KHDRBS2: variants seen among roughly 807,000 people sequenced by gnomAD.
KHDRBS2 encodes KH RNA binding domain containing, signal transduction associated 2.
KHDRBS2 carries 26 observed loss-of-function variants against 44.3 expected under a neutral mutation model. That is an observed-to-expected ratio of 0.59 (90% confidence interval 0.43 to 0.81). The LOEUF (loss-of-function observed/expected upper bound fraction) is 0.81, where lower values mean the gene tolerates loss of function less well. Ranked by LOEUF, KHDRBS2 falls within the 40% of genes least tolerant of loss-of-function variation. The pLI, the probability that KHDRBS2 is intolerant of heterozygous loss-of-function variation, is 0.00. For synonymous variants in KHDRBS2, 194 were observed against 151.1 expected (o/e 1.28, Z -2.08); for missense variants, 476 against 433.1 (o/e 1.10, Z -0.88).
At chr6:62,143,479 T>C (rs2150099999) in intron 2 of KHDRBS2, among the ~76,000 whole-genome samples, 1 of 152,092 alleles carries the variant, frequency 6.6e-6, no homozygotes, top group South Asian at 2.1e-4. Flanking sequence ...TCTCTGTTAT[T>C]TACCACCCAT....
chr6:61,945,237 C>T (rs369144910), intron 4 of KHDRBS2, among the ~76,000 whole-genome samples: 3 of 145,008 alleles, frequency 2.1e-5, no homozygotes, highest in East Asian at 2.0e-4. Flanking sequence ...TTTAACATCT[C>T]AATAATTTAA....
At chr6:62,092,837 C>G (rs906269584) in intron 2 of KHDRBS2, among the ~76,000 whole-genome samples, 4 of 151,988 alleles carry the variant, frequency 2.6e-5, no homozygotes, top group Non-Finnish European at 5.9e-5. Context: ...CCATATGAAT[C>G]CTGGATAAGG....
intron 8 of KHDRBS2, among the ~76,000 whole-genome samples, chr6:61,682,486 T>C (rs2127538335): frequency 6.6e-6 from 1 of 152,056 alleles, no homozygotes; most frequent in Admixed American, 6.6e-5. Flanking sequence ...TGGCATACTC[T>C]GGCCTGTGAA....
intron 4 of KHDRBS2, among the ~76,000 whole-genome samples, chr6:61,961,788 A>T (rs1367889960): frequency 6.6e-6 from 1 of 152,130 alleles, no homozygotes; most frequent in Non-Finnish European, 1.5e-5. Context: ...GCAAAATCAT[A>T]CAGGGCCTTG....
chr6:61,842,228 T>C (rs1320859813), intron 6 of KHDRBS2, among the ~76,000 whole-genome samples: 2 of 152,158 alleles, frequency 1.3e-5, no homozygotes, highest in African/African-American at 2.4e-5. Flanking sequence ...ATCAGTTTAG[T>C]ATGGGAATCT....
chr6:61,542,990 A>G, the KHDRBS2 span, among the ~76,000 whole-genome samples: 1 of 151,994 alleles, frequency 6.6e-6, no homozygotes, highest in Non-Finnish European at 1.5e-5. Flanking sequence ...TGGTATAAAG[A>G]CCTCAAGGCT....
At chr6:61,765,443 C>T (rs1388759816) in intron 6 of KHDRBS2, among the ~76,000 whole-genome samples, 2 of 151,852 alleles carry the variant, frequency 1.3e-5, no homozygotes, top group African/African-American at 4.8e-5. Flanking sequence ...AAAGCAAGAC[C>T]TGGTAAAAAA....
intron 3 of KHDRBS2, among the ~76,000 whole-genome samples, chr6:62,036,273 C>T (rs1785264365): frequency 6.6e-6 from 1 of 151,892 alleles, no homozygotes; most frequent in African/African-American, 2.4e-5. Context: ...CTAAACCACT[C>T]AACTTTATAG....
chr6:61,947,053 A>G (rs1813523400), intron 4 of KHDRBS2, among the ~76,000 whole-genome samples: 1 of 152,224 alleles, frequency 6.6e-6, no homozygotes. Context: ...AGAATCATAT[A>G]TTCAGCCAAT....
chr6:61,958,173 A>G (rs1321035379), intron 4 of KHDRBS2, among the ~76,000 whole-genome samples: 1 of 152,182 alleles, frequency 6.6e-6, no homozygotes, highest in Non-Finnish European at 1.5e-5. Flanking sequence ...ATCGTTTAAC[A>G]GAAGACACAC....
chr6:62,197,408 C>T (rs1173223043), intron 1 of KHDRBS2, among the ~76,000 whole-genome samples: 1 of 152,090 alleles, frequency 6.6e-6, no homozygotes. Flanking sequence ...GTATTATATA[C>T]AATACATCAC....
At chr6:61,602,458 C>T in the KHDRBS2 span, among the ~76,000 whole-genome samples, 2 of 152,134 alleles carry the variant, frequency 1.3e-5, no homozygotes, top group Admixed American at 6.5e-5. Context: ...GTGCAGGATC[C>T]CACGGAAAAT....
the KHDRBS2 span, among the ~76,000 whole-genome samples, chr6:61,579,366 G>A: frequency 2.0e-5 from 3 of 152,174 alleles, no homozygotes; most frequent in African/African-American, 7.2e-5. Context: ...TTGAAATAGA[G>A]ATACTGGGGA....
intron 4 of KHDRBS2, among the ~76,000 whole-genome samples, chr6:61,929,091 C>A (rs1267030241): frequency 3.3e-5 from 5 of 151,944 alleles, no homozygotes; most frequent in Admixed American, 6.6e-5. Context: ...TCAAATTGGG[C>A]AAGGAAGTAC....
At chr6:62,061,617 C>A (rs963655975) in intron 2 of KHDRBS2, among the ~76,000 whole-genome samples, 3 of 150,786 alleles carry the variant, frequency 2.0e-5, no homozygotes, top group African/African-American at 7.3e-5. Context: ...TTTTTTCCTT[C>A]ATTTCAACTT....
Position 61,732,682 on chromosome 6 carries a change from C to A in KHDRBS2, c.893G>T (p.Ser298Ile), listed in dbSNP as rs867058525. Residue 298 changes from serine (S) to isoleucine (I), a missense_variant and splice_region_variant, in exon 7 of 9, where the codon AGT becomes ATT. Physicochemically the swap from Ser to Ile is moderately radical, Grantham distance 142 (BLOSUM62 -2). Transcript: ENST00000281156. ...CTGCTTTAGATAGCAAATGCCTTAC[C>A]TTTGTGTTTGGGTCGCATAGCTGTT... ...YDNSYATQTQ[S>I]VPEYYDYGHG... is the part of the protein sequence containing the mutation. 6.3e-7 allele frequency: 1 copy of A among 1,590,632 alleles called. No individual in the cohort carries two copies. The highest frequency in any genetic ancestry group is 8.6e-7 in the Non-Finnish European group (1 of 1,159,394).
the KHDRBS2 span, among the ~76,000 whole-genome samples, chr6:61,632,303 A>G: frequency 2.7e-3 from 418 of 152,232 alleles, no homozygotes; most frequent in African/African-American, 9.7e-3. Flanking sequence ...AATCTAGTAA[A>G]CTCAAATAAT....
chr6:62,046,745 T>C (rs1465110308), intron 3 of KHDRBS2, among the ~76,000 whole-genome samples: 1 of 152,014 alleles, frequency 6.6e-6, no homozygotes, highest in East Asian at 1.9e-4. Context: ...TTATTTTAAG[T>C]GTAGTCAGAG....
the KHDRBS2 span, chr6:61,574,283 C>G: frequency 7.2e-7 from 1 of 1,383,914 alleles, no homozygotes; most frequent in Non-Finnish European, 9.9e-7. Context: ...CCTAACCGTG[C>G]AAAGGTAGCA....
Sources: gnomAD v4.1 joint callset for allele counts (sites outside exome capture counted in the v4.1 genomes callset) on GRCh38, gnomAD v4.1.1 for gene constraint, MANE v1.5 for transcripts, NCBI Gene and HGNC (gene_info 2026-07-23, HGNC 2026-07-21) for gene names.